Variants in MAF observed in about 807,000 individuals in gnomAD.
MAF encodes transcription factor Maf.
In MAF, 10 loss-of-function variants were observed where a neutral mutation model predicts 22.0. The observed-to-expected ratio is 0.45, with a 90% CI of 0.28 to 0.77. The LOEUF (loss-of-function observed/expected upper bound fraction) is 0.77. Ranked by LOEUF, MAF falls within the 30% of genes least tolerant of loss-of-function variation. MAF has a pLI of 0.12. For synonymous variants in MAF, 337 were observed against 255.8 expected, an observed-to-expected ratio of 1.32 and a Z score of -3.03; for missense variants, 544 against 548.4, an observed-to-expected ratio of 0.99 and a Z score of 0.08.
chr16:79,575,767 C>G, the MAF span, among the ~76,000 whole-genome samples: 1 of 152,170 alleles, frequency 6.6e-6, no homozygotes, highest in Non-Finnish European at 1.5e-5. Context: ...TAATAGATAC[C>G]TTCATACCTA....
chr16:79,364,199 T>C, the MAF span, among the ~76,000 whole-genome samples: 3 of 152,148 alleles, frequency 2.0e-5, no homozygotes, highest in African/African-American at 7.2e-5. Context: ...TTAAGCATAG[T>C]AATCACTGTG....
At chr16:79,524,858 G>A in the MAF span, among the ~76,000 whole-genome samples, 1 of 152,204 alleles carries the variant, frequency 6.6e-6, no homozygotes, top group Non-Finnish European at 1.5e-5. Flanking sequence ...GTTCAACTGT[G>A]TCAGGACAAC....
the MAF span, among the ~76,000 whole-genome samples, chr16:79,330,764 G>A: frequency 2.0e-5 from 3 of 152,196 alleles, no homozygotes; most frequent in East Asian, 1.9e-4. Flanking sequence ...CTCTAAGCAG[G>A]AATTGCCCTC....
chr16:79,530,126 C>T, the MAF span, among the ~76,000 whole-genome samples: 587 of 152,252 alleles, frequency 3.9e-3, 1 homozygote, highest in African/African-American at 0.013. Context: ...AGTATTACTA[C>T]GTATTTTTGG....
chr16:79,287,406 G>A, the MAF span, among the ~76,000 whole-genome samples: 1 of 152,196 alleles, frequency 6.6e-6, no homozygotes, highest in African/African-American at 2.4e-5. Context: ...TGGCGGGGGA[G>A]GCACAGCTGA....
chr16:79,589,146 C>T (rs1462318171), downstream of MAF, among the ~76,000 whole-genome samples: 1 of 152,080 alleles, frequency 6.6e-6, no homozygotes, highest in Admixed American at 6.5e-5. Flanking sequence ...AGTATTCTCA[C>T]AAACCGAGGG....
chr16:79,338,199 G>A, the MAF span, among the ~76,000 whole-genome samples: 2 of 152,180 alleles, frequency 1.3e-5, no homozygotes, highest in African/African-American at 2.4e-5. Flanking sequence ...GGGCCAGGCC[G>A]ACAGGGGAAC....
the MAF span, among the ~76,000 whole-genome samples, chr16:79,564,098 C>T: frequency 6.1e-3 from 929 of 152,358 alleles, 9 homozygotes; most frequent in African/African-American, 0.021. Flanking sequence ...TTCCCTCCCC[C>T]ATGGCCACTG....
the MAF span, among the ~76,000 whole-genome samples, chr16:79,516,814 G>A: frequency 6.8e-6 from 1 of 147,062 alleles, no homozygotes; most frequent in Non-Finnish European, 1.5e-5. Context: ...TAAAGAACAA[G>A]GAAAGACAGA....
the MAF span, among the ~76,000 whole-genome samples, chr16:79,240,998 T>C: frequency 6.6e-6 from 1 of 151,884 alleles, no homozygotes; most frequent in African/African-American, 2.4e-5. Flanking sequence ...TGCATCAACA[T>C]CAACAAAAAG....
chr16:79,325,772 G>T, the MAF span, among the ~76,000 whole-genome samples: 1 of 152,182 alleles, frequency 6.6e-6, no homozygotes, highest in Non-Finnish European at 1.5e-5. Flanking sequence ...ACTAGCTTTT[G>T]TCTTATTCAT....
At chr16:79,409,463 T>G in the MAF span, among the ~76,000 whole-genome samples, 1 of 152,210 alleles carries the variant, frequency 6.6e-6, no homozygotes, top group African/African-American at 2.4e-5. Context: ...TGTAGCCCAC[T>G]GGAGCTGAGT....
the MAF span, among the ~76,000 whole-genome samples, chr16:79,538,721 G>A: frequency 2.0e-5 from 3 of 152,060 alleles, no homozygotes; most frequent in African/African-American, 7.2e-5. Context: ...AGCTACTCAG[G>A]AGGCTGAGGC....
At position 79,598,922 on chromosome 16, in the gene MAF, G is replaced by A. The variant is rs1597847438; in HGVS notation, c.981C>T (p.Val327=). The stretch of plus-strand genomic sequence containing the variant: ...TGGAGATCTCCTGCTTGAGGTGGTC[G>A]ACTTGCTGCAGCAGCTGGTTCTTCT... The part of the protein sequence containing the change: ...ESEKNQLLQQ[V]DHLKQEISRL... The change falls in exon 1 of 2, where the codon GTC becomes GTT. Residue 327 remains valine, a synonymous_variant. Transcript: ENST00000326043. 1 of 1,613,554 alleles carries A rather than the reference G, an allele frequency of 6.2e-7. No homozygotes were observed. Among genetic ancestry groups the A allele is most frequent in the Admixed American group, 1.7e-5 (1 of 59,968 alleles).
At chr16:79,520,813 A>T in the MAF span, among the ~76,000 whole-genome samples, 2 of 152,112 alleles carry the variant, frequency 1.3e-5, no homozygotes, top group African/African-American at 4.8e-5. Context: ...GAAGGTTGTT[A>T]TTGCTCCTGA....
rs1913831531 is a variant in MAF, at chr16:79,599,319, G to T, written c.584C>A (p.Pro195Gln). 1 of 984,882 alleles carries T rather than the reference G, an allele frequency of 1.0e-6. No homozygotes were observed. The highest frequency in any genetic ancestry group is 1.2e-6 in the Non-Finnish European group (1 of 831,260). The allele number at this position is 984,882 out of a possible 1,614,324, so 61.0% of individuals were successfully genotyped here. Reference sequence around the variant, plus strand: ...CGCGGCGCCGGGCGCGCCGGCCGTCGGGTGGTGGTGGTGGCCGGCGGCGTG... The same window carrying T: ...CGCGGCGCCGGGCGCGCCGGCCGTCTGGTGGTGGTGGTGGCCGGCGGCGTG... ...HHHAAGHHHH[P>Q]TAGAPGAAGS... The change falls in exon 1 of 2, where the codon CCG (proline) becomes CAG (glutamine). Residue 195 changes from proline (P) to glutamine (Q), a missense_variant. By Grantham distance (76) the Pro-to-Gln change is moderately conservative. Transcript: ENST00000326043.
the MAF span, among the ~76,000 whole-genome samples, chr16:79,541,977 TA>T: frequency 6.6e-6 from 1 of 152,038 alleles, no homozygotes; most frequent in Non-Finnish European, 1.5e-5. Flanking sequence ...TTTGAATGAT[TA>T]AAAAACAGGT....
chr16:79,317,253 C>A, the MAF span, among the ~76,000 whole-genome samples: 1 of 147,854 alleles, frequency 6.8e-6, no homozygotes, highest in African/African-American at 2.5e-5. Flanking sequence ...TCCTTCCTTC[C>A]TTCTTTCCTT....
At chr16:79,527,247 G>C in the MAF span, among the ~76,000 whole-genome samples, 1 of 152,114 alleles carries the variant, frequency 6.6e-6, no homozygotes, top group Non-Finnish European at 1.5e-5. Flanking sequence ...AGTGCTGCCT[G>C]TTTTCTTTGA....
Sources: allele counts gnomAD v4.1 joint callset (sites outside exome capture counted in the v4.1 genomes callset), GRCh38; gene constraint gnomAD v4.1.1; transcripts MANE v1.5; gene names NCBI Gene and HGNC (gene_info 2026-07-23, HGNC 2026-07-21).